The following DLGAP1 variants were observed in gnomAD, a reference collection of about 807,000 sequenced individuals.
The protein encoded by DLGAP1 is DLG associated protein 1, also known as disks large-associated protein 1.
Under a neutral mutation model 90.8 loss-of-function variants are expected in DLGAP1, and 11 were observed. The ratio of observed to expected loss-of-function variants is 0.12; its 90% CI spans 0.08 to 0.20. The LOEUF (loss-of-function observed/expected upper bound fraction) is 0.20. Among genes scored for constraint, DLGAP1 ranks in the 10% least tolerant of loss-of-function variants. The pLI, the probability that DLGAP1 is intolerant of heterozygous loss-of-function variation, is 1.00. For synonymous variants in DLGAP1, 558 were observed against 540.7 expected, an observed-to-expected ratio of 1.03 and a Z score of -0.44; for missense variants, 1,050 against 1,333.8, an observed-to-expected ratio of 0.79 and a Z score of 3.31.
At chr18:4,323,235 T>C (rs2080739337) in intron 1 of DLGAP1, among the ~76,000 whole-genome samples, 1 of 152,094 alleles carries the variant, frequency 6.6e-6, no homozygotes, top group Non-Finnish European at 1.5e-5. Flanking sequence ...AAAACTACAG[T>C]GAGATATCAC....
rs917012075 is a variant in DLGAP1 at position 3,775,711 on chromosome 18, G to A, written c.1173-33199C>T. On this transcript the variant is annotated intron_variant, in intron 5 of 12. Transcript: ENST00000315677. This position sits in a 1 kb window ranked among gnomAD's most constrained non-coding sequence, Gnocchi z 4.9. Reference sequence around the variant, plus strand: ...TTGATTTTCAGCAAACCTTCAGAGGGTGAAGGGGAAGTTTCCCCTTGGCCC... The same window carrying A: ...TTGATTTTCAGCAAACCTTCAGAGGATGAAGGGGAAGTTTCCCCTTGGCCC... 2.6e-5 allele frequency among the ~76,000 whole-genome samples: 4 copies of A among 152,154 alleles called. No homozygotes were observed. The highest frequency in any genetic ancestry group is 9.7e-5 in the African/African-American group (4 of 41,424).
rs139163976 is a variant in DLGAP1 at position 3,534,523 on chromosome 18, A to G, written c.2150T>C (p.Ile717Thr). The G allele has an allele frequency of 4.8e-5, 77 of 1,614,058 alleles. No individual in the cohort carries two copies. In the African/African-American group the frequency reaches 5.9e-4, roughly 12 times the overall value. Reference sequence around the variant, plus strand: ...GGGGCCAGGACACGAATTGTCCTCTATAGATTCCAGAGAATTTTCCAGATT... The same window carrying G: ...GGGGCCAGGACACGAATTGTCCTCTGTAGATTCCAGAGAATTTTCCAGATT... ...HDNLENSLES[I>T]EDNSCPGPMA... Residue 717 changes from isoleucine to threonine, a missense_variant, in exon 10 of 13, where the codon ATA (isoleucine) becomes ACA (threonine). Physicochemically the swap from Ile to Thr is moderately conservative, Grantham distance 89. Around this residue, in one of 2 missense-constraint regions of DLGAP1, gnomAD observed 565 missense variants for 879.7 expected, o/e 0.64. Transcript: ENST00000315677.
chr18:4,198,882 G>GT (rs1327260804), intron 1 of DLGAP1, among the ~76,000 whole-genome samples: 1 of 152,186 alleles, frequency 6.6e-6, no homozygotes, highest in Non-Finnish European at 1.5e-5. Flanking sequence ...TTGCATTGCA[G>GT]TGGGAGGCAA....
chr18:3,547,348 C>A (rs1393014158), intron 9 of DLGAP1, among the ~76,000 whole-genome samples: 3 of 143,298 alleles, frequency 2.1e-5, no homozygotes, highest in East Asian at 2.0e-4. Context: ...GTTTCCAAAT[C>A]ATATATTAAT....
chr18:3,561,757 T>C (rs1444041850), intron 9 of DLGAP1, among the ~76,000 whole-genome samples: 2 of 151,000 alleles, frequency 1.3e-5, no homozygotes, highest in African/African-American at 5.0e-5. Flanking sequence ...AGTGTTTTTA[T>C]AGTGACTAAG....
intron 1 of DLGAP1, among the ~76,000 whole-genome samples, chr18:4,151,605 C>A (rs146055824): frequency 2.0e-5 from 3 of 152,316 alleles, no homozygotes; most frequent in Admixed American, 6.5e-5. Flanking sequence ...TGATCCAATT[C>A]TGTAAGACAT....
chr18:4,451,776 G>A (rs1362179865), intron 1 of DLGAP1, among the ~76,000 whole-genome samples: 1 of 152,094 alleles, frequency 6.6e-6, no homozygotes, highest in East Asian at 1.9e-4. Context: ...GAACATTCAG[G>A]TGTTTCAACA....
chr18:4,193,752 A>G, intron 1 of DLGAP1, among the ~76,000 whole-genome samples: 1 of 152,310 alleles, frequency 6.6e-6, no homozygotes, highest in Admixed American at 6.5e-5. Context: ...AGAGAAAGCT[A>G]AAAGCTAGAG....
intron 7 of DLGAP1, among the ~76,000 whole-genome samples, chr18:3,583,159 TACC>T (rs1568240415): frequency 4.5e-5 from 6 of 132,788 alleles, no homozygotes; most frequent in East Asian, 2.4e-4. Context: ...CCTACCTACC[TACC>T]TACCTACCTA....
chr18:3,874,973 A>G (rs565041851), intron 4 of DLGAP1, among the ~76,000 whole-genome samples: 2 of 152,152 alleles, frequency 1.3e-5, no homozygotes, highest in Non-Finnish European at 2.9e-5. Flanking sequence ...TAGACTTCTC[A>G]TTTTCTATAG....
chr18:3,511,914 T>C (rs2050565324), intron 10 of DLGAP1, among the ~76,000 whole-genome samples: 1 of 152,184 alleles, frequency 6.6e-6, no homozygotes, highest in Non-Finnish European at 1.5e-5. Context: ...GGAAAGGTGA[T>C]CGCTAAGGGT....
intron 5 of DLGAP1, among the ~76,000 whole-genome samples, chr18:3,786,590 T>C (rs954484244): frequency 5.9e-5 from 9 of 152,136 alleles, no homozygotes; most frequent in Non-Finnish European, 1.5e-5. Context: ...ACTTCAGCAG[T>C]CCTTGGTTCT....
intron 10 of DLGAP1, among the ~76,000 whole-genome samples, chr18:3,519,497 C>T (rs1190312324): frequency 2.0e-5 from 3 of 152,164 alleles, no homozygotes; most frequent in Non-Finnish European, 4.4e-5. Context: ...AACAACCTTG[C>T]CTCCTATGAG....
intron 7 of DLGAP1, among the ~76,000 whole-genome samples, chr18:3,628,279 T>G (rs1427444920): frequency 2.0e-5 from 3 of 148,766 alleles, no homozygotes; most frequent in African/African-American, 7.5e-5. Context: ...AACCTCTGCC[T>G]CCCGGGTTCG....
At chr18:3,884,106 G>A (rs2071249907) in intron 3 of DLGAP1, among the ~76,000 whole-genome samples, 1 of 152,192 alleles carries the variant, frequency 6.6e-6, no homozygotes, top group Non-Finnish European at 1.5e-5. Context: ...AAAACCTTGG[G>A]ATTGCTTTGT....
intron 1 of DLGAP1, among the ~76,000 whole-genome samples, chr18:4,178,239 A>ACACG (rs1166905917): frequency 1.3e-5 from 2 of 151,102 alleles, no homozygotes; most frequent in African/African-American, 4.9e-5. Flanking sequence ...ACACACACAC[A>ACACG]CACACACACA....
chr18:3,669,888 G>C (rs1326427216), intron 7 of DLGAP1, among the ~76,000 whole-genome samples: 1 of 152,132 alleles, frequency 6.6e-6, no homozygotes, highest in Non-Finnish European at 1.5e-5. Context: ...AGAACACCCT[G>C]CGACACACGA....
chr18:4,354,450 C>A (rs1268007397), intron 1 of DLGAP1, among the ~76,000 whole-genome samples: 1 of 152,070 alleles, frequency 6.6e-6, no homozygotes, highest in South Asian at 2.1e-4. Context: ...AGATGAATAT[C>A]TTTTTGTCCG....
intron 2 of DLGAP1, among the ~76,000 whole-genome samples, chr18:4,091,892 T>G (rs983811380): frequency 2.5e-4 from 6 of 24,010 alleles, no homozygotes; most frequent in African/African-American, 6.7e-4. Flanking sequence ...CTTGATCATG[T>G]TTTTTTTTTT....
Sources: gnomAD v4.1 joint callset for allele counts (sites outside exome capture counted in the v4.1 genomes callset) on GRCh38, gnomAD v4.1.1 for gene constraint, gnomAD v4.1.1 regional missense constraint, Gnocchi (gnomAD v3.1) non-coding constraint, MANE v1.5 for transcripts, NCBI Gene and HGNC (gene_info 2026-07-23, HGNC 2026-07-21) for gene names.